The following FRMD3 variants were observed in gnomAD, a reference collection of about 807,000 sequenced individuals.
The protein encoded by FRMD3 is FERM domain containing 3, also known as FERM domain-containing protein 3.
Under a neutral mutation model 70.2 loss-of-function variants are expected in FRMD3, and 33 were observed. The ratio of observed to expected loss-of-function variants is 0.47; its 90% CI spans 0.36 to 0.63. The LOEUF (loss-of-function observed/expected upper bound fraction) is 0.63, where lower values mean the gene tolerates loss of function less well. FRMD3 is among the 20% of genes least tolerant of loss of function. FRMD3 has a pLI of 0.00. For missense variants in FRMD3, 632 were observed against 711.4 expected, an observed-to-expected ratio of 0.89 and a Z score of 1.27; for synonymous variants, 279 against 255.9, an observed-to-expected ratio of 1.09 and a Z score of -0.86.
At chr9:83,357,265 AT>A (rs1305004146) in intron 3 of FRMD3, among the ~76,000 whole-genome samples, 1 of 60,674 alleles carries the variant, frequency 1.6e-5, no homozygotes, top group Non-Finnish European at 2.8e-5. Flanking sequence ...ATATATATAT[AT>A]ATATATATAT....
chr9:83,400,063 T>A (rs903492128), intron 1 of FRMD3, among the ~76,000 whole-genome samples: 1 of 150,660 alleles, frequency 6.6e-6, no homozygotes, highest in Admixed American at 6.6e-5. Flanking sequence ...GAAAAAGGTA[T>A]GCAGATTGGG....
At chr9:83,566,758 T>C in the FRMD3 span, among the ~76,000 whole-genome samples, 1 of 152,216 alleles carries the variant, frequency 6.6e-6, no homozygotes, top group African/African-American at 2.4e-5. Context: ...AGGTCTCAAA[T>C]ACAGGTCACA....
At chr9:83,317,907 C>T (rs73463609) in intron 6 of FRMD3, among the ~76,000 whole-genome samples, 5,991 of 152,154 alleles carry the variant, frequency 0.039, 304 homozygotes, top group African/African-American at 0.12. Flanking sequence ...AAAAGGACAC[C>T]TATCTGGAAT....
chr9:83,305,489 T>G (rs558021362), intron 10 of FRMD3, among the ~76,000 whole-genome samples: 11 of 152,046 alleles, frequency 7.2e-5, no homozygotes, highest in East Asian at 1.9e-4. Flanking sequence ...AATGACAGAG[T>G]CAAGACTTAG....
intron 3 of FRMD3, chr9:83,350,740 G>T: frequency 1.0e-6 from 1 of 982,548 alleles, no homozygotes; most frequent in Non-Finnish European, 1.2e-6. Context: ...TATGTAGGCT[G>T]CAATTCTGGT....
At chr9:83,436,874 C>A (rs1232603441) in intron 1 of FRMD3, among the ~76,000 whole-genome samples, 3 of 151,210 alleles carry the variant, frequency 2.0e-5, no homozygotes, top group Non-Finnish European at 4.4e-5. Flanking sequence ...AAAACAGTCA[C>A]AGCATACCCC....
At chr9:83,288,174 CTG>C (rs1834289642) in intron 13 of FRMD3, among the ~76,000 whole-genome samples, 1 of 152,210 alleles carries the variant, frequency 6.6e-6, no homozygotes, top group African/African-American at 2.4e-5. Context: ...GAGCTCTAAT[CTG>C]TCTCTCTTCT....
chr9:83,504,479 T>C (rs192167983), intron 1 of FRMD3, among the ~76,000 whole-genome samples: 1 of 152,220 alleles, frequency 6.6e-6, no homozygotes, highest in Admixed American at 6.5e-5. Flanking sequence ...TCTTGGCTTC[T>C]TTCCCAGTCC....
chr9:83,394,131 C>A (rs186173312), intron 1 of FRMD3, among the ~76,000 whole-genome samples: 1 of 152,086 alleles, frequency 6.6e-6, no homozygotes, highest in Admixed American at 6.5e-5. Flanking sequence ...GTTGTGTCCT[C>A]TCTCTCACCT....
intron 12 of FRMD3, among the ~76,000 whole-genome samples, chr9:83,294,550 T>A (rs1472582652): frequency 6.6e-6 from 1 of 152,230 alleles, no homozygotes; most frequent in Non-Finnish European, 1.5e-5. Flanking sequence ...TATCTTCTTT[T>A]CATTTGCAAA....
rs188706723 is a variant in FRMD3, at chr9:83,485,192, G to A, written c.147+52893C>T. ...AAACCTGAGTTACGCTCATTTCATT[G>A]GCTCCCTGGTATGTAGAATTCCGTG... On this transcript the variant is annotated intron_variant, in intron 1 of 13. Coordinates refer to ENST00000304195, the MANE Select transcript of FRMD3 (RefSeq NM_174938.6). 4.5e-3 allele frequency among the ~76,000 whole-genome samples: 679 copies of A among 152,310 alleles called. 5 individuals carry two copies. The highest frequency in any genetic ancestry group is 7.5e-3 in the Non-Finnish European group (508 of 68,028).
chr9:83,352,023 T>C (rs913286438), intron 3 of FRMD3, among the ~76,000 whole-genome samples: 3 of 152,200 alleles, frequency 2.0e-5, no homozygotes, highest in Non-Finnish European at 2.9e-5. Context: ...GGACAGTAGA[T>C]AGAGATCTCA....
the FRMD3 span, among the ~76,000 whole-genome samples, chr9:83,564,670 G>A: frequency 6.6e-6 from 1 of 152,228 alleles, no homozygotes; most frequent in Admixed American, 6.5e-5. Flanking sequence ...GGTTTGTAGA[G>A]GGAGACATAT....
At position 83,274,687 on chromosome 9, in the gene FRMD3, G is replaced by A. The variant is rs140841822; in HGVS notation, c.1195+15916C>T. 9.6e-4 allele frequency among the ~76,000 whole-genome samples: 146 copies of A among 152,280 alleles called. 1 individual carries two copies. The highest frequency in any genetic ancestry group is 1.6e-3 in the Non-Finnish European group (106 of 68,028). ...AACTAAGGCTGGAGAGGAGGGTGGAGGCCAGTGTGTGAGGAACCATTGGCC... is the reference window on the plus strand; with the variant it reads ...AACTAAGGCTGGAGAGGAGGGTGGAAGCCAGTGTGTGAGGAACCATTGGCC... On this transcript the variant is annotated intron_variant, in intron 13 of 13. Transcript: ENST00000304195.
chr9:83,409,015 T>C (rs1826205091), intron 1 of FRMD3, among the ~76,000 whole-genome samples: 1 of 152,154 alleles, frequency 6.6e-6, no homozygotes, highest in African/African-American at 2.4e-5. Flanking sequence ...GCTCAAAGAA[T>C]GCTGCGATAA....
At chr9:83,551,565 T>C in the FRMD3 span, among the ~76,000 whole-genome samples, 2 of 152,178 alleles carry the variant, frequency 1.3e-5, no homozygotes, top group African/African-American at 2.4e-5. Flanking sequence ...ACCTCTTCTT[T>C]GTACATCTAG....
At chr9:83,304,913 T>C (rs985628290) in intron 10 of FRMD3, among the ~76,000 whole-genome samples, 11 of 152,192 alleles carry the variant, frequency 7.2e-5, no homozygotes, top group African/African-American at 2.2e-4. Flanking sequence ...TCAGAGTTTC[T>C]GCGTCTGGGC....
chr9:83,349,967 C>A (rs892259445), intron 3 of FRMD3, among the ~76,000 whole-genome samples: 2 of 152,126 alleles, frequency 1.3e-5, no homozygotes, highest in African/African-American at 2.4e-5. Flanking sequence ...ACAGGACTCC[C>A]AGAGCAAATG....
chr9:83,373,588 A>G (rs983565399), intron 2 of FRMD3, among the ~76,000 whole-genome samples: 1 of 152,168 alleles, frequency 6.6e-6, no homozygotes. Context: ...ACTGACAGGC[A>G]TTTGAAGTAG....
Sources: gnomAD v4.1 joint callset for allele counts (sites outside exome capture counted in the v4.1 genomes callset) on GRCh38, gnomAD v4.1.1 for gene constraint, MANE v1.5 for transcripts, NCBI Gene and HGNC (gene_info 2026-07-23, HGNC 2026-07-21) for gene names.